The following CAPN1 variants were observed in gnomAD, a reference collection of about 807,000 sequenced individuals.
CAPN1 encodes calpain 1.
A neutral mutation model predicts 105.2 loss-of-function variants in CAPN1; 77 were observed. That is an observed-to-expected ratio of 0.73 (90% CI 0.61 to 0.88). The LOEUF is 0.88. Among genes scored for constraint, CAPN1 ranks in the 40% least tolerant of loss-of-function variants. CAPN1 has a pLI of 0.00. For synonymous variants in CAPN1, 355 were observed against 388.8 expected (o/e 0.91, Z 1.02); for missense variants, 833 against 976.6 (o/e 0.85, Z 1.96).
rs764606906 is a variant in CAPN1, at chr11:65,210,847, G to C, written c.2093G>C (p.Gly698Ala). The change falls in exon 21 of 22, where the codon GGA (glycine) becomes GCA (alanine). Residue 698 changes from glycine (G) to alanine (A), a missense_variant. Physicochemically the swap from Gly to Ala is moderately conservative, Grantham distance 60. Coordinates refer to ENST00000279247, the MANE Select transcript of CAPN1 (RefSeq NM_005186.4). This position sits in a 1 kb window ranked among gnomAD's most constrained non-coding sequence, Gnocchi z 4.3. Reference sequence around the variant, plus strand: ...AAAACTCTGGACACAGATCTGGATGGAGTTGTGACCTTTGACTTGTTTAAG... The same window carrying C: ...AAAACTCTGGACACAGATCTGGATGCAGTTGTGACCTTTGACTTGTTTAAG... Reference protein sequence around the residue: ...FFKTLDTDLDGVVTFDLFKWL... With the variant: ...FFKTLDTDLDAVVTFDLFKWL... The C allele has an allele frequency of 6.2e-6, 10 of 1,613,712 alleles. No individual in the cohort carries two copies. Among genetic ancestry groups the C allele is most frequent in the Non-Finnish European group, 1.7e-6 (2 of 1,179,812 alleles).
chr11:65,194,945 A>G (rs572733320), intron 10 of CAPN1, among the ~76,000 whole-genome samples: 3 of 152,186 alleles, frequency 2.0e-5, no homozygotes, highest in South Asian at 2.1e-4. Flanking sequence ...GGAACTGCCA[A>G]TTGTTTTCCA....
chr11:65,210,059 G>A lies in CAPN1; in HGVS notation c.1905G>A (p.Met635Ile). ...RKFDLDKSGS[M>I]SAYEMRMAIE... ...TTGACCTGGACAAGTCGGGCAGCAT[G>A]AGTGCCTACGAGATGCGGATGGCCA... The change falls in exon 19 of 22, where the codon ATG (methionine) becomes ATA (isoleucine). Residue 635 changes from methionine to isoleucine, a missense_variant. Met to Ile is a conservative substitution (Grantham distance 10). Coordinates refer to ENST00000279247, the MANE Select transcript of CAPN1 (RefSeq NM_005186.4). This position sits in a 1 kb window ranked among gnomAD's most constrained non-coding sequence, Gnocchi z 4.3. 1.2e-6 allele frequency: 2 copies of A among 1,612,976 alleles called. No individual in the cohort carries two copies. The highest frequency in any genetic ancestry group is 1.7e-6 in the Non-Finnish European group (2 of 1,179,832).
Position 65,188,101 on chromosome 11 carries a change from T to C in CAPN1, c.929+61T>C. ...GGAAACTGTTAGGTGCCCCGACATT[T>C]CTGCTCGGGACTCTACCAGGCCAGG... is the stretch of plus-strand genomic sequence containing the variant. On this transcript the variant is annotated intron_variant, in intron 8 of 21. Coordinates refer to ENST00000279247, the MANE Select transcript of CAPN1 (RefSeq NM_005186.4). The surrounding 1 kb of genome is among the most constrained non-coding windows in gnomAD (Gnocchi z 5.5). 1 of 1,182,728 alleles carries C rather than the reference T, an allele frequency of 8.5e-7. No homozygotes were observed. Among genetic ancestry groups the C allele is most frequent in the Non-Finnish European group, 1.2e-6 (1 of 833,398 alleles). 73.3% of individuals were successfully genotyped at this position (1,182,728 alleles called of 1,614,324 possible).
intron 10 of CAPN1, among the ~76,000 whole-genome samples, chr11:65,195,992 A>C (rs534728376): frequency 3.3e-5 from 5 of 151,848 alleles, no homozygotes; most frequent in Non-Finnish European, 7.4e-5. Context: ...CTTTTTGTCT[A>C]TATTATCTAA....
intron 10 of CAPN1, among the ~76,000 whole-genome samples, chr11:65,189,405 TGTC>T (rs1408873133): frequency 6.6e-6 from 1 of 152,142 alleles, no homozygotes; most frequent in Non-Finnish European, 1.5e-5. Flanking sequence ...CTCAGTTCCT[TGTC>T]ACTCTCACTG....
chr11:65,204,910 C>A, intron 11 of CAPN1, 52 bp downstream of exon 11: 1 of 1,505,964 alleles, frequency 6.6e-7, no homozygotes, highest in Admixed American at 1.8e-5. Flanking sequence ...GAGGACCTGG[C>A]GCCCCCGACC....
rs565516860 is a variant in CAPN1, at chr11:65,201,679, G to A, written c.1166-3004G>A. Among the ~76,000 whole-genome samples the A allele has an allele frequency of 6.7e-4, 101 of 151,740 alleles. 1 individual carries two copies. In the East Asian group the frequency reaches 0.016, roughly 24 times the overall value. Reference sequence around the variant, plus strand: ...ACTACAGGCACCTGCCACCACGCCCGGCTAATTTTTTTGTATTTTTAGTAG... The same window carrying A: ...ACTACAGGCACCTGCCACCACGCCCAGCTAATTTTTTTGTATTTTTAGTAG... On this transcript the variant is annotated intron_variant, in intron 10 of 21. Transcript: ENST00000279247.
intron 14 of CAPN1, 81 bp downstream of exon 14, chr11:65,206,900 C>A: frequency 7.6e-7 from 1 of 1,324,256 alleles, no homozygotes; most frequent in Non-Finnish European, 1.0e-6. Context: ...GGTGTCCTGT[C>A]CCCTGAGTTC....
chr11:65,210,069 G>C lies in CAPN1; in HGVS notation c.1915G>C (p.Glu639Gln), dbSNP rs763379888. Residue 639 changes from glutamate to glutamine, a missense_variant, in exon 19 of 22, where the codon GAG becomes CAG. Coordinates refer to ENST00000279247, the MANE Select transcript of CAPN1 (RefSeq NM_005186.4). This position sits in a 1 kb window ranked among gnomAD's most constrained non-coding sequence, Gnocchi z 4.3. ...CAAGTCGGGCAGCATGAGTGCCTACGAGATGCGGATGGCCATTGAGTCGGC... is the reference window on the plus strand; with the variant it reads ...CAAGTCGGGCAGCATGAGTGCCTACCAGATGCGGATGGCCATTGAGTCGGC... ...LDKSGSMSAY[E>Q]MRMAIESAGF... The C allele has an allele frequency of 1.2e-6, 2 of 1,612,710 alleles. No individual in the cohort carries two copies. Among genetic ancestry groups the C allele is most frequent in the African/African-American group, 2.7e-5 (2 of 74,814 alleles).
intron 14 of CAPN1, among the ~76,000 whole-genome samples, chr11:65,207,489 C>T (rs979037519): frequency 5.9e-5 from 9 of 151,782 alleles, no homozygotes; most frequent in Non-Finnish European, 8.8e-5. Context: ...TGTGAGCCAC[C>T]GCACCTGGCC....
chr11:65,185,896 C>T (rs1193181831), intron 4 of CAPN1, 21 bp from the exon 5 acceptor site: 2 of 1,567,622 alleles, frequency 1.3e-6, no homozygotes, highest in Non-Finnish European at 1.7e-6. Flanking sequence ...AGCAGGTACT[C>T]ACCGTGCCCC....
At chr11:65,196,862 A>G (rs1320618408) in intron 10 of CAPN1, among the ~76,000 whole-genome samples, 1 of 152,230 alleles carries the variant, frequency 6.6e-6, no homozygotes, top group African/African-American at 2.4e-5. Context: ...GTGTATGATG[A>G]ATTTTCATAA....
chr11:65,209,759 C>T lies in CAPN1; in HGVS notation c.1795-90C>T, dbSNP rs535251498. 2.7e-5 allele frequency: 36 copies of T among 1,312,130 alleles called. No homozygotes were observed. The highest frequency in any genetic ancestry group is 4.0e-5 in the Admixed American group (2 of 50,286). The allele number at this position is 1,312,130 out of a possible 1,614,324, so 81.3% of individuals were successfully genotyped here. On this transcript the variant is annotated intron_variant, in intron 17 of 21. Transcript: ENST00000279247. The surrounding 1 kb of genome is among the most constrained non-coding windows in gnomAD (Gnocchi z 4.1). ...CTCACCCAGCCCCAAGTCGACTTGCCGGCTCGGCGGCCATCTCCCCTTCTG... is the reference window on the plus strand; with the variant it reads ...CTCACCCAGCCCCAAGTCGACTTGCTGGCTCGGCGGCCATCTCCCCTTCTG...
At chr11:65,195,110 T>G (rs12278971) in intron 10 of CAPN1, among the ~76,000 whole-genome samples, 83,742 of 129,272 alleles carry the variant, frequency 0.65, 28,106 homozygotes, top group Middle Eastern at 0.79. Flanking sequence ...GTTTTTTTTT[T>G]TTTTTTTTTT....
chr11:65,204,371 C>T (rs1351406409), intron 10 of CAPN1, among the ~76,000 whole-genome samples: 1 of 152,070 alleles, frequency 6.6e-6, no homozygotes, highest in Non-Finnish European at 1.5e-5. Flanking sequence ...TCAGCAGCTT[C>T]CCAGGGCAGC....
At chr11:65,207,968 A>G in intron 14 of CAPN1, 87 bp from the exon 15 acceptor site, 1 of 868,698 alleles carries the variant, frequency 1.2e-6, no homozygotes, top group Non-Finnish European at 1.8e-6. Context: ...CTTGTAGCAG[A>G]TATGTGACCT....
Position 65,186,308 on chromosome 11 carries a change from G to A in CAPN1, c.729G>A (p.Glu243=). The change falls in exon 6 of 22, where the codon GAG becomes GAA. Residue 243 remains glutamate (E), a synonymous_variant. Coordinates refer to ENST00000279247, the MANE Select transcript of CAPN1 (RefSeq NM_005186.4). ...ACCAGATCATCCTCAAGGCGCTGGA[G>A]CGGGGCTCCCTGCTGGGCTGCTCCA... The part of the protein sequence containing the change: ...DLYQIILKAL[E]RGSLLGCSID... 1 of 1,613,274 alleles carries A rather than the reference G, an allele frequency of 6.2e-7. No individual in the cohort carries two copies. The highest frequency in any genetic ancestry group is 1.1e-5 in the South Asian group (1 of 90,970).
At chr11:65,194,829 GAACATTCATGTGCATGCGTTTC>G (rs1346726324) in intron 10 of CAPN1, among the ~76,000 whole-genome samples, 2 of 152,100 alleles carry the variant, frequency 1.3e-5, no homozygotes, top group Non-Finnish European at 2.9e-5. Flanking sequence ...ATGTTCCTGT[GAACATTCATGTGCATGCGTTTC>G]AACATATGTT....
intron 4 of CAPN1, 34 bp from the exon 5 acceptor site, chr11:65,185,883 C>T (rs1057188703): frequency 6.4e-7 from 1 of 1,559,836 alleles, no homozygotes; most frequent in African/African-American, 1.4e-5. Flanking sequence ...CGGGGGATTC[C>T]AAAGCAGGTA....
Sources: gnomAD v4.1 joint callset for allele counts (sites outside exome capture counted in the v4.1 genomes callset) on GRCh38, gnomAD v4.1.1 for gene constraint, Gnocchi (gnomAD v3.1) non-coding constraint, MANE v1.5 for transcripts, NCBI Gene and HGNC (gene_info 2026-07-23, HGNC 2026-07-21) for gene names.